ZSWIM5: variants seen among roughly 807,000 people sequenced by gnomAD.
ZSWIM5 encodes the protein zinc finger SWIM domain-containing protein 5.
A neutral mutation model predicts 119.6 loss-of-function variants in ZSWIM5; 55 were observed. The ratio of observed to expected loss-of-function variants is 0.46; its 90% CI spans 0.37 to 0.58. The LOEUF (loss-of-function observed/expected upper bound fraction) is 0.58, where lower values mean the gene tolerates loss of function less well. ZSWIM5 is among the 20% of genes least tolerant of loss of function. ZSWIM5 has a pLI of 0.00. For missense variants in ZSWIM5, 1,193 were observed against 1,512.8 expected (o/e 0.79, Z 3.51); for synonymous variants, 537 against 606.9 (o/e 0.88, Z 1.69).
chr1:45,098,577 C>A (rs963258540), intron 1 of ZSWIM5, among the ~76,000 whole-genome samples: 2 of 152,168 alleles, frequency 1.3e-5, no homozygotes, highest in Non-Finnish European at 2.9e-5. Flanking sequence ...CTCTCCACCC[C>A]AAATCAACAG....
intron 1 of ZSWIM5, among the ~76,000 whole-genome samples, chr1:45,187,629 G>T (rs1646067213): frequency 6.6e-6 from 1 of 151,842 alleles, no homozygotes; most frequent in African/African-American, 2.4e-5. Flanking sequence ...ACACTTTTGT[G>T]CTTCAAAGGA....
intron 1 of ZSWIM5, among the ~76,000 whole-genome samples, chr1:45,197,938 C>T (rs1216726291): frequency 6.6e-6 from 1 of 152,120 alleles, no homozygotes; most frequent in African/African-American, 2.4e-5. Flanking sequence ...GGCAATGCCC[C>T]AAATAAACCA....
intron 11 of ZSWIM5, among the ~76,000 whole-genome samples, chr1:45,025,932 T>A (rs1210781491): frequency 2.6e-5 from 4 of 152,246 alleles, no homozygotes. Flanking sequence ...AGTTAGGAAC[T>A]TCTAGTATGA....
chr1:45,067,600 T>C (rs1365535092), intron 2 of ZSWIM5, among the ~76,000 whole-genome samples: 2 of 152,158 alleles, frequency 1.3e-5, no homozygotes, highest in Non-Finnish European at 2.9e-5. Context: ...AATGTCAATA[T>C]TCAAAGGTCA....
At chr1:45,192,434 T>A (rs568651746) in intron 1 of ZSWIM5, among the ~76,000 whole-genome samples, 1 of 152,206 alleles carries the variant, frequency 6.6e-6, no homozygotes, top group Non-Finnish European at 1.5e-5. Flanking sequence ...CATTCATCCA[T>A]GTTGTAGCAT....
At chr1:45,205,349 T>C (rs1029877702) in intron 1 of ZSWIM5, among the ~76,000 whole-genome samples, 1 of 152,212 alleles carries the variant, frequency 6.6e-6, no homozygotes, top group Non-Finnish European at 1.5e-5. Flanking sequence ...AGATTGCCTC[T>C]GACAGTCTGT....
At chr1:45,173,276 A>G (rs1645957039) in intron 1 of ZSWIM5, among the ~76,000 whole-genome samples, 1 of 152,174 alleles carries the variant, frequency 6.6e-6, no homozygotes, top group South Asian at 2.1e-4. Context: ...ATTAGTCTCA[A>G]TAACGGAGCT....
Position 45,072,435 on chromosome 1 carries a change from A to G in ZSWIM5, c.953-12188T>C, listed in dbSNP as rs1208143155. 6.6e-6 allele frequency among the ~76,000 whole-genome samples: 1 copy of G among 151,788 alleles called. No homozygotes were observed. Among genetic ancestry groups the G allele is most frequent in the African/African-American group, 2.4e-5 (1 of 41,182 alleles). On this transcript the variant is annotated intron_variant, in intron 2 of 13. Coordinates refer to ENST00000359600, the MANE Select transcript of ZSWIM5 (RefSeq NM_020883.2). The surrounding 1 kb of genome is among the most constrained non-coding windows in gnomAD (Gnocchi z 4.1). ...AAGCTTTTTAACTTGATGTGATCCC[A>G]TTTATCCATTTTTGCTTTGGTTGCC...
At chr1:45,204,756 T>C (rs1646177105) in intron 1 of ZSWIM5, among the ~76,000 whole-genome samples, 1 of 152,150 alleles carries the variant, frequency 6.6e-6, no homozygotes, top group African/African-American at 2.4e-5. Context: ...TACGAGCATA[T>C]AGTGTACAAT....
intron 1 of ZSWIM5, among the ~76,000 whole-genome samples, chr1:45,178,237 C>T (rs1052836336): frequency 6.6e-6 from 1 of 151,942 alleles, no homozygotes; most frequent in African/African-American, 2.4e-5. Flanking sequence ...ACCAGCCTGG[C>T]CAACAGGCTG....
intron 1 of ZSWIM5, among the ~76,000 whole-genome samples, chr1:45,150,088 T>G (rs1645786974): frequency 6.6e-6 from 1 of 151,292 alleles, no homozygotes; most frequent in Non-Finnish European, 1.5e-5. Context: ...GAGGACTGTT[T>G]GAGCCCAGGA....
At chr1:45,131,139 T>C (rs1645654100) in intron 1 of ZSWIM5, among the ~76,000 whole-genome samples, 1 of 152,202 alleles carries the variant, frequency 6.6e-6, no homozygotes, top group African/African-American at 2.4e-5. Flanking sequence ...AACAATGGGA[T>C]GGATTCTCGT....
intron 1 of ZSWIM5, among the ~76,000 whole-genome samples, chr1:45,100,323 T>C (rs986904408): frequency 1.3e-5 from 2 of 152,100 alleles, no homozygotes; most frequent in Admixed American, 6.6e-5. Context: ...ATAAAATACC[T>C]AGGAATCCAA....
At chr1:45,195,400 G>A (rs1233359495) in intron 1 of ZSWIM5, among the ~76,000 whole-genome samples, 1 of 151,502 alleles carries the variant, frequency 6.6e-6, no homozygotes, top group Non-Finnish European at 1.5e-5. Context: ...AACATGCCTG[G>A]CTAATTTTTT....
At chr1:45,161,290 T>C (rs931907234) in intron 1 of ZSWIM5, among the ~76,000 whole-genome samples, 3 of 152,206 alleles carry the variant, frequency 2.0e-5, no homozygotes, top group African/African-American at 4.8e-5. Context: ...GATTGCTGGA[T>C]CAAATGGTAG....
chr1:45,043,517 A>T (rs1645029492), intron 5 of ZSWIM5, 122 bp from the exon 6 acceptor site: 4 of 953,010 alleles, frequency 4.2e-6, no homozygotes, highest in Non-Finnish European at 6.3e-6. Flanking sequence ...CTCTGGCAGC[A>T]GTATTGAGAA....
chr1:45,151,248 A>G (rs1246462465), intron 1 of ZSWIM5, among the ~76,000 whole-genome samples: 1 of 151,890 alleles, frequency 6.6e-6, no homozygotes, highest in African/African-American at 2.4e-5. Context: ...ATATATTTAT[A>G]TATACTTAAA....
At chr1:45,024,393 T>C (rs1644908171) in intron 11 of ZSWIM5, among the ~76,000 whole-genome samples, 1 of 151,800 alleles carries the variant, frequency 6.6e-6, no homozygotes, top group African/African-American at 2.4e-5. Context: ...GGTTTCACCA[T>C]GTTGACCAGG....
At chr1:45,119,102 A>G (rs2149026957) in intron 1 of ZSWIM5, among the ~76,000 whole-genome samples, 1 of 152,356 alleles carries the variant, frequency 6.6e-6, no homozygotes, top group African/African-American at 2.4e-5. Context: ...AGCAGCCAAC[A>G]GGTTCAACAG....
Sources: allele counts gnomAD v4.1 joint callset (sites outside exome capture counted in the v4.1 genomes callset), GRCh38; gene constraint gnomAD v4.1.1; non-coding constraint Gnocchi (gnomAD v3.1); transcripts MANE v1.5; gene names NCBI Gene and HGNC (gene_info 2026-07-23, HGNC 2026-07-21).